Variants in PPFIA3 observed in about 807,000 individuals in gnomAD.
The protein encoded by PPFIA3 is liprin-alpha-3.
In PPFIA3, 26 loss-of-function variants were observed where a neutral mutation model predicts 145.8. The observed-to-expected ratio is 0.18, with a 90% confidence interval of 0.13 to 0.25. PPFIA3 has a LOEUF of 0.25. Ranked by LOEUF, PPFIA3 falls within the 10% of genes least tolerant of loss-of-function variation. The pLI, the probability that PPFIA3 is intolerant of heterozygous loss-of-function variation, is 1.00. For missense variants in PPFIA3, 1,008 were observed against 1,587.8 expected (o/e 0.63, Z 6.21); for synonymous variants, 645 against 661.4 (o/e 0.98, Z 0.38).
chr19:49,146,798 C>T (rs1311601890), intron 23 of PPFIA3, among the ~76,000 whole-genome samples: 1 of 152,088 alleles, frequency 6.6e-6, no homozygotes, highest in Non-Finnish European at 1.5e-5. Flanking sequence ...GGTGCAGTGG[C>T]TAGCGTATGT....
Position 49,139,838 on chromosome 19 carries a change from A to C in PPFIA3, c.2240+7A>C, listed in dbSNP as rs144782308. The C allele has an allele frequency of 3.0e-3, 4,834 of 1,609,708 alleles. 19 individuals are homozygous for C. The highest frequency in any genetic ancestry group is 5.1e-3 in the South Asian group (462 of 90,768). On this transcript the variant is annotated splice_region_variant and intron_variant, in intron 17 of 29. Coordinates refer to ENST00000334186, the MANE Select transcript of PPFIA3 (RefSeq NM_003660.4). Reference sequence around the variant, plus strand: ...GGGGACCCCCACGGGGAAGGTCAGCAGGGACAAGGGATAGGGACAGGGAGA... The same window carrying C: ...GGGGACCCCCACGGGGAAGGTCAGCCGGGACAAGGGATAGGGACAGGGAGA...
Position 49,132,470 on chromosome 19 carries a change from C to T in PPFIA3, c.880-531C>T, listed in dbSNP as rs147020498. On this transcript the variant is annotated intron_variant, in intron 7 of 29. Coordinates refer to ENST00000334186, the MANE Select transcript of PPFIA3 (RefSeq NM_003660.4). ...CTGGGATTTTAAGCCTGGATAGCCGCAGGGGCTATTGGGAAATGTAGCCCC... is the reference window on the plus strand; with the variant it reads ...CTGGGATTTTAAGCCTGGATAGCCGTAGGGGCTATTGGGAAATGTAGCCCC... Among the ~76,000 whole-genome samples, 9 of 149,476 alleles carry T rather than the reference C, an allele frequency of 6.0e-5. No individual in the cohort carries two copies. The East Asian group carries it at 1.8e-3, about 29-fold the overall frequency.
At position 49,133,054 on chromosome 19, in the gene PPFIA3, C is replaced by G. The variant is rs774483195; in HGVS notation, c.933C>G (p.Arg311=). 1 of 1,613,110 alleles carries G rather than the reference C, an allele frequency of 6.2e-7. No individual in the cohort carries two copies. The highest frequency in any genetic ancestry group is 1.1e-5 in the South Asian group (1 of 91,030). Residue 311 remains arginine (R), a synonymous_variant, in exon 8 of 30, where the codon CGC becomes CGG. Transcript: ENST00000334186. The surrounding 1 kb of genome is among the most constrained non-coding windows in gnomAD (Gnocchi z 7.2). Reference sequence around the variant, plus strand: ...AGCGGATTACAACACTGGAGAAGCGCTACCTGAGCGCCCAGCGGGAGGCCA... The same window carrying G: ...AGCGGATTACAACACTGGAGAAGCGGTACCTGAGCGCCCAGCGGGAGGCCA... ...MEERITTLEK[R]YLSAQREATS...
intron 13 of PPFIA3, among the ~76,000 whole-genome samples, 196 bp downstream of exon 13, chr19:49,135,111 G>A (rs938946564): frequency 1.3e-5 from 2 of 151,880 alleles, no homozygotes; most frequent in East Asian, 3.9e-4. Context: ...GCACGATTCC[G>A]GCTCACTGCA....
rs763250795 is a variant in PPFIA3 at position 49,134,017 on chromosome 19, C to G, written c.1246-17C>G. 31 of 1,609,196 alleles carry G rather than the reference C, an allele frequency of 1.9e-5. No individual in the cohort carries two copies. Among genetic ancestry groups the G allele is most frequent in the Non-Finnish European group, 2.6e-5 (31 of 1,177,800 alleles). On this transcript the variant is annotated splice_polypyrimidine_tract_variant and intron_variant, in intron 10 of 29. Transcript: ENST00000334186. ...GCAGGGTGGGCTTAACAACCCGCCC[C>G]GCTCTGCTTTGCGCAGGCCCGGCAG...
intron 11 of PPFIA3, 102 bp downstream of exon 11, chr19:49,134,267 C>T: frequency 6.9e-7 from 1 of 1,438,972 alleles, no homozygotes; most frequent in South Asian, 1.4e-5. Flanking sequence ...TATCGGAGGC[C>T]TCCCTAAACC....
Position 49,130,664 on chromosome 19 carries a change from C to T in PPFIA3, c.879+65C>T, listed in dbSNP as rs2041058687. ...CCTTTCCGTAGAGCTCTCCCTCGCG[C>T]ATTGCTCATGAATGGCGGAACCTCG... On this transcript the variant is annotated intron_variant, in intron 7 of 29. Coordinates refer to ENST00000334186, the MANE Select transcript of PPFIA3 (RefSeq NM_003660.4). The surrounding 1 kb of genome is among the most constrained non-coding windows in gnomAD (Gnocchi z 4.5). 12 of 1,387,674 alleles carry T rather than the reference C, an allele frequency of 8.6e-6. No individual in the cohort carries two copies. The South Asian group carries it at 1.4e-4, about 17-fold the overall frequency. 86.0% of individuals were successfully genotyped at this position (1,387,674 alleles called of 1,614,324 possible).
Position 49,139,784 on chromosome 19 carries a change from G to A in PPFIA3, c.2193G>A (p.Leu731=). Residue 731 remains leucine, a synonymous_variant, in exon 17 of 30, where the codon TTG becomes TTA. Transcript: ENST00000334186. ...SARLERMTQA[L]ALQAGSLEDG... is the part of the protein sequence containing the mutation. ...GTCTTGAGAGAATGACCCAGGCCTT[G>A]GCACTGCAGGCGGGGTCCCTGGAAG... 6.2e-7 allele frequency: 1 copy of A among 1,613,470 alleles called. No homozygotes were observed. The highest frequency in any genetic ancestry group is 8.5e-7 in the Non-Finnish European group (1 of 1,179,548).
At position 49,140,069 on chromosome 19, in the gene PPFIA3, C is replaced by G. The variant is rs763626270; in HGVS notation, c.2349C>G (p.Gly783=). The change falls in exon 18 of 30, where the codon GGC becomes GGG. Residue 783 remains glycine (G), a synonymous_variant. Coordinates refer to ENST00000334186, the MANE Select transcript of PPFIA3 (RefSeq NM_003660.4). The part of the protein sequence containing the change: ...KKEKGRMGPP[G]RDSSSLAGTP... ...AGAAGGGACGAATGGGACCCCCAGG[C>G]CGGGACAGCTCTTCTCTGGGTGAGT... 4 of 1,614,002 alleles carry G rather than the reference C, an allele frequency of 2.5e-6. No homozygotes were observed. In the African/African-American group the frequency reaches 5.3e-5, roughly 22 times the overall value.
chr19:49,120,786 G>A lies in PPFIA3; in HGVS notation c.-16+1064G>A, dbSNP rs956517240. ...TGGTCCCAGTCTCCTATCCCCTCAGGGACCCAGGAGTTCAGACCCCAGCTT... is the reference window on the plus strand; with the variant it reads ...TGGTCCCAGTCTCCTATCCCCTCAGAGACCCAGGAGTTCAGACCCCAGCTT... On this transcript the variant is annotated intron_variant, in intron 1 of 29. Coordinates refer to ENST00000334186, the MANE Select transcript of PPFIA3 (RefSeq NM_003660.4). The surrounding 1 kb of genome is among the most constrained non-coding windows in gnomAD (Gnocchi z 4.6). 2.6e-5 allele frequency among the ~76,000 whole-genome samples: 4 copies of A among 152,068 alleles called. No homozygotes were observed. The highest frequency in any genetic ancestry group is 9.7e-5 in the African/African-American group (4 of 41,382).
intron 1 of PPFIA3, among the ~76,000 whole-genome samples, chr19:49,121,792 T>G (rs1204540399): frequency 6.6e-6 from 1 of 151,944 alleles, no homozygotes; most frequent in African/African-American, 2.4e-5. Context: ...AAAATTTTAT[T>G]TATTTATTTA....
chr19:49,136,363 G>C (rs996892919), intron 14 of PPFIA3, among the ~76,000 whole-genome samples: 3 of 152,186 alleles, frequency 2.0e-5, no homozygotes, highest in Non-Finnish European at 4.4e-5. Flanking sequence ...TGCTGGCGCC[G>C]AGGCAGGCAG....
rs1354739282 is a variant in PPFIA3 at position 49,130,837 on chromosome 19, G to A, written c.879+238G>A. Reference sequence around the variant, plus strand: ...TAATTACTTTGTTACCTAACTTTGGGTTCTTCTCTGGTGCCTCTAAATGGA... The same window carrying A: ...TAATTACTTTGTTACCTAACTTTGGATTCTTCTCTGGTGCCTCTAAATGGA... On this transcript the variant is annotated intron_variant, in intron 7 of 29. Coordinates refer to ENST00000334186, the MANE Select transcript of PPFIA3 (RefSeq NM_003660.4). This position sits in a 1 kb window ranked among gnomAD's most constrained non-coding sequence, Gnocchi z 4.5. 6.6e-6 allele frequency among the ~76,000 whole-genome samples: 1 copy of A among 152,066 alleles called. No individual in the cohort carries two copies. Among genetic ancestry groups the A allele is most frequent in the Non-Finnish European group, 1.5e-5 (1 of 68,022 alleles).
At chr19:49,143,111 C>T in intron 21 of PPFIA3, 107 bp downstream of exon 21, 6 of 1,286,078 alleles carry the variant, frequency 4.7e-6, no homozygotes, top group Non-Finnish European at 6.5e-6. Context: ...CACGACCCTG[C>T]TTCTCATTGG....
chr19:49,138,677 A>T (rs527965021), intron 16 of PPFIA3, among the ~76,000 whole-genome samples: 5 of 151,486 alleles, frequency 3.3e-5, no homozygotes, highest in African/African-American at 7.3e-5. Flanking sequence ...ATAGGATTTT[A>T]AAAAGTTTCT....
In PPFIA3 at chr19:49,129,948, G is replaced by T. The variant is rs763993693; in HGVS notation, c.583-45G>T. ...AATGCCAGTGAGAACTAGAGCTGGGGGTTCAGGGAGCCCCTGTGCTCTGAT... is the reference window on the plus strand; with the variant it reads ...AATGCCAGTGAGAACTAGAGCTGGGTGTTCAGGGAGCCCCTGTGCTCTGAT... On this transcript the variant is annotated intron_variant, in intron 5 of 29. Coordinates refer to ENST00000334186, the MANE Select transcript of PPFIA3 (RefSeq NM_003660.4). The T allele has an allele frequency of 2.5e-6, 4 of 1,596,720 alleles. No individual in the cohort carries two copies. In the Admixed American group the frequency reaches 6.8e-5, roughly 27 times the overall value.
chr19:49,139,750 G>A lies in PPFIA3; in HGVS notation c.2159G>A (p.Arg720His), dbSNP rs201128236. 2.5e-5 allele frequency: 41 copies of A among 1,613,934 alleles called. 1 individual carries two copies. The Middle Eastern group carries it at 6.6e-4, about 26-fold the overall frequency. Residue 720 changes from arginine to histidine, a missense_variant, in exon 17 of 30, where the codon CGC becomes CAC. Physicochemically the swap from Arg to His is conservative, Grantham distance 29. Around this residue, in one of 11 missense-constraint regions of PPFIA3, gnomAD observed 202 missense variants for 241.8 expected, o/e 0.84. Transcript: ENST00000334186. ...IPGDTPPPTP[R>H]SARLERMTQA... ...GGAGACACCCCACCACCCACTCCCC[G>A]CTCTGCCCGTCTTGAGAGAATGACC...
At position 49,149,965 on chromosome 19, in the gene PPFIA3, A is replaced by C; in HGVS notation, c.3527-115A>C. 6 of 1,311,998 alleles carry C rather than the reference A, an allele frequency of 4.6e-6. No homozygotes were observed. Among genetic ancestry groups the C allele is most frequent in the Non-Finnish European group, 6.3e-6 (6 of 948,252 alleles). 81.3% of individuals were successfully genotyped at this position (1,311,998 alleles called of 1,614,324 possible). ...GGCTGCGGGGAAGGGAGGGAAACCC[A>C]TGTGGAGCCCGGCGATCGTTGTGAC... On this transcript the variant is annotated intron_variant, in intron 28 of 29. Transcript: ENST00000334186. The surrounding 1 kb of genome is among the most constrained non-coding windows in gnomAD (Gnocchi z 5.7).
At chr19:49,122,879 G>A (rs1296509777) in intron 1 of PPFIA3, among the ~76,000 whole-genome samples, 1 of 151,292 alleles carries the variant, frequency 6.6e-6, no homozygotes, top group Non-Finnish European at 1.5e-5. Context: ...CCACCACCAC[G>A]CCCGGCTAAT....
Sources: gnomAD v4.1 joint callset for allele counts (sites outside exome capture counted in the v4.1 genomes callset) on GRCh38, gnomAD v4.1.1 for gene constraint, gnomAD v4.1.1 regional missense constraint, Gnocchi (gnomAD v3.1) non-coding constraint, MANE v1.5 for transcripts, NCBI Gene and HGNC (gene_info 2026-07-23, HGNC 2026-07-21) for gene names.